The following ERICH6 variants were observed in gnomAD, a reference collection of about 807,000 sequenced individuals.
ERICH6 encodes glutamate rich 6.
In ERICH6, 71 loss-of-function variants were observed where a neutral mutation model predicts 71.0. The ratio of observed to expected loss-of-function variants is 1.00; its 90% CI spans 0.83 to 1.22. ERICH6 has a LOEUF of 1.22. Ranked by LOEUF, ERICH6 falls within the 50% of genes most tolerant of loss-of-function variation. The pLI is 0.00. For synonymous variants in ERICH6, 262 were observed against 278.4 expected, an observed-to-expected ratio of 0.94 and a Z score of 0.59; for missense variants, 808 against 797.2, an observed-to-expected ratio of 1.01 and a Z score of -0.16.
At chr3:150,678,226 C>A (rs1711736124) in intron 10 of ERICH6, among the ~76,000 whole-genome samples, 183 bp downstream of exon 10, 1 of 152,142 alleles carries the variant, frequency 6.6e-6, no homozygotes, top group Non-Finnish European at 1.5e-5. Flanking sequence ...AGTAAACAGC[C>A]TTTAACCCAA....
At chr3:150,702,820 TG>T (rs201626113) in intron 1 of ERICH6, among the ~76,000 whole-genome samples, 2,563 of 80,274 alleles carry the variant, frequency 0.032, 41 homozygotes, top group East Asian at 0.097. Context: ...AAAAGAGAGT[TG>T]TTTTTTTTTT....
chr3:150,674,022 A>G lies in ERICH6; in HGVS notation c.1277T>C (p.Leu426Ser). 1 of 1,614,080 alleles carries G rather than the reference A, an allele frequency of 6.2e-7. No individual in the cohort carries two copies. The highest frequency in any genetic ancestry group is 8.5e-7 in the Non-Finnish European group (1 of 1,179,970). ...ACGKVVRNELLEKHYKHGSKF... is the reference protein window; with the variant it reads ...ACGKVVRNELSEKHYKHGSKF... ...GCTCCCATGTTTGTAGTGCTTCTCTAAGAGCTCATTCCTGACAACCTATAC... is the reference window on the plus strand; with the variant it reads ...GCTCCCATGTTTGTAGTGCTTCTCTGAGAGCTCATTCCTGACAACCTATAC... Residue 426 changes from leucine (L) to serine (S), a missense_variant, in exon 11 of 14, where the codon TTA becomes TCA. Leu to Ser is a moderately radical substitution (Grantham distance 145, BLOSUM62 -2). Around this residue, in one of 3 missense-constraint regions of ERICH6, gnomAD observed 736 missense variants for 712.2 expected, o/e 1.03. Coordinates refer to ENST00000295910, the MANE Select transcript of ERICH6 (RefSeq NM_152394.5).
At chr3:150,693,415 G>T (rs1712526367) in intron 3 of ERICH6, among the ~76,000 whole-genome samples, 1 of 152,168 alleles carries the variant, frequency 6.6e-6, no homozygotes, top group Non-Finnish European at 1.5e-5. Flanking sequence ...TTCCTGACCT[G>T]TGGTAAGTAA....
intron 3 of ERICH6, among the ~76,000 whole-genome samples, chr3:150,697,954 C>T (rs1384527356): frequency 6.6e-6 from 1 of 152,152 alleles, no homozygotes; most frequent in Admixed American, 6.5e-5. Flanking sequence ...TTGCTGTTCC[C>T]TTGCCTGGAA....
chr3:150,669,422 C>T lies in ERICH6; in HGVS notation c.1373G>A (p.Arg458Gln), dbSNP rs143964947. Residue 458 changes from arginine to glutamine, a missense_variant, in exon 12 of 14, where the codon CGA (arginine) becomes CAA (glutamine). Arg to Gln is a conservative substitution (Grantham distance 43). Transcript: ENST00000295910. ...AAAACCATTTACCTTGTTGGGCACT[C>T]GAATGATGGCTAGGTTTCCAGATGG... ...FYPSGNLAII[R>Q]VPNKVNGFTC... is the part of the protein sequence containing the mutation. The T allele has an allele frequency of 2.1e-4, 343 of 1,613,428 alleles. No individual in the cohort carries two copies. The highest frequency in any genetic ancestry group is 2.4e-4 in the Non-Finnish European group (285 of 1,179,812).
intron 10 of ERICH6, among the ~76,000 whole-genome samples, chr3:150,677,705 C>T (rs1449701403): frequency 3.3e-5 from 5 of 152,000 alleles, no homozygotes; most frequent in Non-Finnish European, 5.9e-5. Context: ...TCTTGTTGTC[C>T]AGGCTGGTCT....
At position 150,660,146 on chromosome 3, in the gene ERICH6, G is replaced by T; in HGVS notation, c.1738C>A (p.Pro580Thr). The change falls in exon 14 of 14, where the codon CCT becomes ACT. Residue 580 changes from proline to threonine, a missense_variant. Physicochemically the swap from Pro to Thr is conservative, Grantham distance 38 (BLOSUM62 -1). Transcript: ENST00000295910. ...TATCGGAGGATTGGAATCTCCTCAG[G>T]GTTTGGTAGCTTTTCAGCAAAGAGA... ...SVGTKVKLPN[P>T]EEIPILRYVS... The T allele has an allele frequency of 6.2e-7, 1 of 1,610,952 alleles. No homozygotes were observed. The highest frequency in any genetic ancestry group is 8.5e-7 in the Non-Finnish European group (1 of 1,177,898).
chr3:150,698,681 T>C lies in ERICH6; in HGVS notation c.553+110A>G, dbSNP rs1712745759. 3.7e-6 allele frequency: 3 copies of C among 818,958 alleles called. No homozygotes were observed. The Admixed American group carries it at 6.2e-5, about 17-fold the overall frequency. 50.7% of individuals were successfully genotyped at this position (818,958 alleles called of 1,614,324 possible). On this transcript the variant is annotated intron_variant, in intron 3 of 13. Coordinates refer to ENST00000295910, the MANE Select transcript of ERICH6 (RefSeq NM_152394.5). ...AACTTGCCCAACATCACAAGGTTAG[T>C]ATGTGTTGGGGCTGGGATTCAAATC...
chr3:150,700,275 A>C (rs1476129585), intron 2 of ERICH6, among the ~76,000 whole-genome samples: 1 of 62,318 alleles, frequency 1.6e-5, no homozygotes, highest in African/African-American at 7.5e-5. Context: ...TTGTATTTTT[A>C]GTAGAGACGA....
At chr3:150,668,698 A>G (rs1263974167) in intron 12 of ERICH6, among the ~76,000 whole-genome samples, 5 of 152,228 alleles carry the variant, frequency 3.3e-5, no homozygotes, top group Admixed American at 2.0e-4. Context: ...GAAAAGTTCA[A>G]AAAGTTTAAA....
chr3:150,680,333 G>A, intron 9 of ERICH6, 135 bp downstream of exon 9: 2 of 858,304 alleles, frequency 2.3e-6, no homozygotes, highest in South Asian at 3.5e-5. Context: ...TTCCCAAAGT[G>A]TTGGGATTAC....
chr3:150,693,408 C>G (rs2108073439), intron 3 of ERICH6, among the ~76,000 whole-genome samples: 1 of 152,262 alleles, frequency 6.6e-6, no homozygotes, highest in Non-Finnish European at 1.5e-5. Context: ...TACAGGGTTC[C>G]TGACCTGTGG....
chr3:150,683,717 G>A (rs969571666), intron 6 of ERICH6, among the ~76,000 whole-genome samples: 8 of 152,146 alleles, frequency 5.3e-5, no homozygotes, highest in Admixed American at 5.2e-4. Context: ...TCATGCCACT[G>A]CACTCCAGCA....
intron 6 of ERICH6, 151 bp from the exon 7 acceptor site, chr3:150,682,467 G>A: frequency 3.3e-6 from 2 of 607,292 alleles, no homozygotes; most frequent in Non-Finnish European, 5.8e-6. Flanking sequence ...TCCATTTAAG[G>A]GCTGGTGAGG....
intron 3 of ERICH6, among the ~76,000 whole-genome samples, chr3:150,692,153 G>A (rs77673227): frequency 0.033 from 5,067 of 152,116 alleles, 315 homozygotes; most frequent in African/African-American, 0.12. Flanking sequence ...GGTGATAAAG[G>A]TTATAAAAAG....
chr3:150,681,293 A>G, intron 7 of ERICH6, among the ~76,000 whole-genome samples: 1 of 152,184 alleles, frequency 6.6e-6, no homozygotes, highest in African/African-American at 2.4e-5. Context: ...ACCATACAAC[A>G]TGTGGCACTC....
intron 12 of ERICH6, among the ~76,000 whole-genome samples, chr3:150,668,976 C>T (rs898040916): frequency 2.0e-5 from 3 of 152,138 alleles, no homozygotes; most frequent in Non-Finnish European, 2.9e-5. Flanking sequence ...CTAGAGACTG[C>T]CTCAGTTACA....
intron 11 of ERICH6, among the ~76,000 whole-genome samples, chr3:150,670,440 C>T (rs548652670): frequency 2.7e-5 from 4 of 148,710 alleles, no homozygotes; most frequent in African/African-American, 1.0e-4. Flanking sequence ...CAAGATCGTG[C>T]CACTGCACTC....
intron 13 of ERICH6, among the ~76,000 whole-genome samples, chr3:150,664,088 A>G (rs896226535): frequency 1.2e-4 from 19 of 152,130 alleles, no homozygotes; most frequent in Admixed American, 2.6e-4. Flanking sequence ...GAGAAGAAAC[A>G]GCCTGTGAGG....
Sources: gnomAD v4.1 joint callset for allele counts (sites outside exome capture counted in the v4.1 genomes callset) on GRCh38, gnomAD v4.1.1 for gene constraint, gnomAD v4.1.1 regional missense constraint, MANE v1.5 for transcripts, NCBI Gene and HGNC (gene_info 2026-07-23, HGNC 2026-07-21) for gene names.